Variants in RHBDD2 observed in about 807,000 individuals in gnomAD.
The protein encoded by RHBDD2 is rhomboid domain containing 2.
Under a neutral mutation model 21.7 loss-of-function variants are expected in RHBDD2, and 13 were observed. The ratio of observed to expected loss-of-function variants is 0.60; its 90% CI spans 0.39 to 0.95. The LOEUF (loss-of-function observed/expected upper bound fraction) is 0.95. RHBDD2 is among the 40% of genes least tolerant of loss of function. The probability of loss-of-function intolerance (pLI) is 0.00; values close to 1 mark genes in which losing one functional copy is unlikely to be tolerated. For missense variants in RHBDD2, 473 were observed against 478.9 expected (o/e 0.99, Z 0.11); for synonymous variants, 225 against 220.0 (o/e 1.02, Z -0.20).
In RHBDD2 at chr7:75,879,577, CTCCAAGGGTAAAGA is replaced by C. The variant is rs1195857690; in HGVS notation, c.178+319_178+332del. Among the ~76,000 whole-genome samples the C allele has an allele frequency of 2.6e-5, 4 of 152,322 alleles. No homozygotes were observed. In the East Asian group the frequency reaches 7.7e-4, roughly 29 times the overall value. ...ATTCGCTAGCAAATCCATGCTCGCTCTCCAAGGGTAAAGATTTTTCGTCTCCCCCTCCCATTTCA... is the reference window on the plus strand; with the variant it reads ...ATTCGCTAGCAAATCCATGCTCGCTCTTTTTCGTCTCCCCCTCCCATTTCA... On this transcript the variant is annotated intron_variant, in intron 1 of 3. Transcript: ENST00000006777.
Position 75,879,079 on chromosome 7 carries a change from G to A in RHBDD2, c.-4G>A, listed in dbSNP as rs781804268. The A allele has an allele frequency of 2.2e-6, 3 of 1,360,242 alleles. No individual in the cohort carries two copies. Among genetic ancestry groups the A allele is most frequent in the East Asian group, 6.2e-5 (2 of 32,008 alleles). 84.3% of individuals were successfully genotyped at this position (1,360,242 alleles called of 1,614,324 possible). Reference sequence around the variant, plus strand: ...CGAGGCGGGGCGCGGGAACGACGGCGGCCATGGCGGCCTCGGGGCCCGGGT... The same window carrying A: ...CGAGGCGGGGCGCGGGAACGACGGCAGCCATGGCGGCCTCGGGGCCCGGGT... On this transcript the variant is annotated 5_prime_UTR_variant, in exon 1 of 4. Transcript: ENST00000006777.
intron 1 of RHBDD2, 142 bp from the exon 2 acceptor site, chr7:75,881,687 T>A (rs1805330414): frequency 6.3e-6 from 6 of 951,648 alleles, no homozygotes; most frequent in Non-Finnish European, 9.4e-6. Flanking sequence ...ACGCACTGCT[T>A]GTATTGCCTC....
chr7:75,883,661 T>C (rs538567415), intron 2 of RHBDD2, 37 bp from the exon 3 acceptor site: 99 of 1,602,142 alleles, frequency 6.2e-5, no homozygotes, highest in Admixed American at 4.6e-4. Context: ...CCTCCTCCCT[T>C]TGCTGCCTCC....
chr7:75,882,720 TTTG>T (rs1407119793), intron 2 of RHBDD2, among the ~76,000 whole-genome samples: 8 of 152,182 alleles, frequency 5.3e-5, no homozygotes, highest in Admixed American at 3.3e-4. Flanking sequence ...GGCTCTAGAT[TTTG>T]TTGTTTTCCT....
chr7:75,883,876 T>A lies in RHBDD2; in HGVS notation c.737+28T>A, dbSNP rs557004261. 37 of 1,555,380 alleles carry A rather than the reference T, an allele frequency of 2.4e-5. No individual in the cohort carries two copies. In the African/African-American group the frequency reaches 5.0e-4, roughly 21 times the overall value. The stretch of plus-strand genomic sequence containing the variant: ...AAGTGACAGAACTCTTAAGTGCTGT[T>A]AAATCTTTTTTAAAAAAAAAATTAT... On this transcript the variant is annotated intron_variant, in intron 3 of 3. Coordinates refer to ENST00000006777, the MANE Select transcript of RHBDD2 (RefSeq NM_001040456.3).
intron 3 of RHBDD2, among the ~76,000 whole-genome samples, chr7:75,887,441 C>CT (rs1170365839): frequency 4.6e-5 from 7 of 151,526 alleles, no homozygotes; most frequent in African/African-American, 1.7e-4. Flanking sequence ...CCTCAGCCTT[C>CT]TGAGTAGCTG....
At position 75,888,502 on chromosome 7, in the gene RHBDD2, G is replaced by C. The variant is rs1805835878; in HGVS notation, c.*153G>C. 1.5e-6 allele frequency: 1 copy of C among 659,072 alleles called. No individual in the cohort carries two copies. The allele number at this position is 659,072 out of a possible 1,614,324, so 40.8% of individuals were successfully genotyped here. On this transcript the variant is annotated 3_prime_UTR_variant, in exon 4 of 4. Transcript: ENST00000006777. ...TGTTTCAGTCTCATCTGTACTCACG[G>C]CAGCCCTGTGGAGTACGGTGTACTG...
rs563971084 is a variant in RHBDD2 at position 75,888,001 on chromosome 7, G to A, written c.747G>A (p.Pro249=). ...RRAAQSRKLN[P]VPGSYPTQSC... ...TCTTGTTCCATTCCAGACTGAACCC[G>A]GTGCCTGGCTCCTACCCCACACAGA... The change falls in exon 4 of 4, where the codon CCG becomes CCA. Residue 249 remains proline, a synonymous_variant. Coordinates refer to ENST00000006777, the MANE Select transcript of RHBDD2 (RefSeq NM_001040456.3). 41 of 1,611,328 alleles carry A rather than the reference G, an allele frequency of 2.5e-5. No individual in the cohort carries two copies. Among genetic ancestry groups the A allele is most frequent in the South Asian group, 1.5e-4 (14 of 91,022 alleles).
chr7:75,888,633 G>T lies in RHBDD2; in HGVS notation c.*284G>T, dbSNP rs782156559. On this transcript the variant is annotated 3_prime_UTR_variant, in exon 4 of 4. Coordinates refer to ENST00000006777, the MANE Select transcript of RHBDD2 (RefSeq NM_001040456.3). ...CCTCGCCAAGGAACTCGTGGCAGAA[G>T]AGGGCAGCAGTTGGCAGTAGCTGCC... 1.2e-5 allele frequency: 5 copies of T among 427,396 alleles called. No individual in the cohort carries two copies. Among genetic ancestry groups the T allele is most frequent in the Non-Finnish European group, 2.1e-5 (5 of 235,264 alleles). 26.5% of individuals were successfully genotyped at this position (427,396 alleles called of 1,614,324 possible).
chr7:75,883,354 A>G (rs782044659), intron 2 of RHBDD2: 1 of 172,536 alleles, frequency 5.8e-6, no homozygotes, highest in Non-Finnish European at 1.3e-5. Flanking sequence ...CACTGTCTCT[A>G]CTGAAAATAC....
Position 75,882,113 on chromosome 7 carries a change from G to A in RHBDD2, c.463G>A (p.Ala155Thr). ...VTTVRSRMRRALVFGMVVPSV... is the reference protein window; with the variant it reads ...VTTVRSRMRRTLVFGMVVPSV... ...CACCGTCCGTTCTCGGATGAGGCGG[G>A]CCCTGGTGTTTGGCATGGTTGTGCC... The change falls in exon 2 of 4, where the codon GCC (alanine) becomes ACC (threonine). Residue 155 changes from alanine to threonine, a missense_variant. Ala to Thr is a moderately conservative substitution (Grantham distance 58). Coordinates refer to ENST00000006777, the MANE Select transcript of RHBDD2 (RefSeq NM_001040456.3). 6.2e-7 allele frequency: 1 copy of A among 1,614,192 alleles called. No homozygotes were observed. The highest frequency in any genetic ancestry group is 8.5e-7 in the Non-Finnish European group (1 of 1,180,038).
At chr7:75,881,529 T>A in intron 1 of RHBDD2, 2 of 1,352,550 alleles carry the variant, frequency 1.5e-6, no homozygotes, top group Non-Finnish European at 1.9e-6. Flanking sequence ...TAAAGCACTT[T>A]ACAAATTCAG....
Position 75,888,179 on chromosome 7 carries a change from C to T in RHBDD2, c.925C>T (p.His309Tyr). The change falls in exon 4 of 4, where the codon CAC becomes TAC. Residue 309 changes from histidine to tyrosine, a missense_variant. Physicochemically the swap from His to Tyr is moderately conservative, Grantham distance 83 (BLOSUM62 2). Coordinates refer to ENST00000006777, the MANE Select transcript of RHBDD2 (RefSeq NM_001040456.3). Reference sequence around the variant, plus strand: ...CTCCGGCCTGTGCTATGTGCAGAACCACTTTGGTCCAAACCCCACCTCCTC... The same window carrying T: ...CTCCGGCCTGTGCTATGTGCAGAACTACTTTGGTCCAAACCCCACCTCCTC... ...PASGLCYVQN[H>Y]FGPNPTSSSV... 1.2e-6 allele frequency: 2 copies of T among 1,613,942 alleles called. No individual in the cohort carries two copies. Among genetic ancestry groups the T allele is most frequent in the East Asian group, 2.2e-5 (1 of 44,860 alleles).
intron 1 of RHBDD2, 196 bp from the exon 2 acceptor site, chr7:75,881,633 A>G: frequency 9.9e-7 from 1 of 1,009,072 alleles, no homozygotes; most frequent in South Asian, 1.7e-5. Flanking sequence ...TAGGGATTAG[A>G]TATTCATGCC....
At chr7:75,886,497 G>A (rs369030579) in intron 3 of RHBDD2, among the ~76,000 whole-genome samples, 2 of 152,234 alleles carry the variant, frequency 1.3e-5, no homozygotes, top group African/African-American at 4.8e-5. Flanking sequence ...CACTCTCCAA[G>A]ACTGGCCCTG....
At chr7:75,881,680 C>T (rs1244463248) in intron 1 of RHBDD2, 149 bp from the exon 2 acceptor site, 8 of 919,656 alleles carry the variant, frequency 8.7e-6, no homozygotes, top group Middle Eastern at 3.2e-4. Context: ...TTGTTGAACG[C>T]ACTGCTTGTA....
chr7:75,888,142 G>C lies in RHBDD2; in HGVS notation c.888G>C (p.Pro296=). The change falls in exon 4 of 4, where the codon CCG becomes CCC. Residue 296 remains proline (P), a synonymous_variant. Coordinates refer to ENST00000006777, the MANE Select transcript of RHBDD2 (RefSeq NM_001040456.3). Reference sequence around the variant, plus strand: ...CCGGGCACATGCCCACCTTGCCTCCGTACCAGCCTGCCTCCGGCCTGTGCT... The same window carrying C: ...CCGGGCACATGCCCACCTTGCCTCCCTACCAGCCTGCCTCCGGCCTGTGCT... The part of the protein sequence containing the change: ...CTPGHMPTLP[P]YQPASGLCYV... The C allele has an allele frequency of 6.2e-7, 1 of 1,613,670 alleles. No homozygotes were observed. Among genetic ancestry groups the C allele is most frequent in the Non-Finnish European group, 8.5e-7 (1 of 1,180,020 alleles).
In RHBDD2 at chr7:75,879,131, G is replaced by A. The variant is rs1805159638; in HGVS notation, c.49G>A (p.Val17Met). The A allele has an allele frequency of 2.8e-6, 4 of 1,437,796 alleles. No individual in the cohort carries two copies. Among genetic ancestry groups the A allele is most frequent in the Non-Finnish European group, 3.7e-6 (4 of 1,086,804 alleles). The allele number at this position is 1,437,796 out of a possible 1,614,324, so 89.1% of individuals were successfully genotyped here. Residue 17 changes from valine to methionine, a missense_variant, in exon 1 of 4, where the codon GTG becomes ATG. Val to Met is a conservative substitution (Grantham distance 21). Transcript: ENST00000006777. ...GCRSWCLCPEVPSATFFTALL... is the reference protein window; with the variant it reads ...GCRSWCLCPEMPSATFFTALL... The stretch of plus-strand genomic sequence containing the variant: ...TCGCAGCTGGTGCTTGTGTCCCGAG[G>A]TGCCATCCGCCACCTTCTTCACTGC...
chr7:75,888,546 G>A lies in RHBDD2; in HGVS notation c.*197G>A. On this transcript the variant is annotated 3_prime_UTR_variant, in exon 4 of 4. Coordinates refer to ENST00000006777, the MANE Select transcript of RHBDD2 (RefSeq NM_001040456.3). ...TGTACTGGCCCAGCTTACAGATGCA[G>A]AAAGCGAGACGTTCTGCCATCAGAT... 1 of 545,002 alleles carries A rather than the reference G, an allele frequency of 1.8e-6. No individual in the cohort carries two copies. The highest frequency in any genetic ancestry group is 3.3e-6 in the Non-Finnish European group (1 of 307,594). 33.8% of individuals were successfully genotyped at this position (545,002 alleles called of 1,614,324 possible).
Sources: gnomAD v4.1 joint callset for allele counts (sites outside exome capture counted in the v4.1 genomes callset) on GRCh38, gnomAD v4.1.1 for gene constraint, MANE v1.5 for transcripts, NCBI Gene and HGNC (gene_info 2026-07-23, HGNC 2026-07-21) for gene names.